The following GPC5 variants were observed in gnomAD, a reference collection of about 807,000 sequenced individuals.
The protein encoded by GPC5 is glypican-5.
GPC5 carries 47 observed loss-of-function variants against 53.9 expected under a neutral mutation model. The ratio of observed to expected loss-of-function variants is 0.87; its 90% CI spans 0.69 to 1.11. The LOEUF (loss-of-function observed/expected upper bound fraction) is 1.11, where lower values mean the gene tolerates loss of function less well. Among genes scored for constraint, GPC5 ranks in the 50% most tolerant of loss-of-function variants. The probability of loss-of-function intolerance (pLI) is 0.00; values close to 1 mark genes in which losing one functional copy is unlikely to be tolerated. For missense variants in GPC5, 748 were observed against 713.1 expected (o/e 1.05, Z -0.56); for synonymous variants, 286 against 263.3 (o/e 1.09, Z -0.84).
At chr13:91,533,506 A>T (rs1463009254) in intron 2 of GPC5, among the ~76,000 whole-genome samples, 2 of 152,224 alleles carry the variant, frequency 1.3e-5, no homozygotes, top group Non-Finnish European at 2.9e-5. Context: ...AAGCAAAACA[A>T]TCTCAGCCTT....
intron 7 of GPC5, among the ~76,000 whole-genome samples, chr13:92,173,649 A>T (rs563870767): frequency 6.6e-6 from 1 of 152,210 alleles, no homozygotes; most frequent in East Asian, 1.9e-4. Context: ...TTAAAATGCA[A>T]TGAGCAAAAA....
intron 2 of GPC5, among the ~76,000 whole-genome samples, chr13:91,546,301 A>G (rs909359802): frequency 3.9e-5 from 6 of 152,256 alleles, no homozygotes; most frequent in African/African-American, 9.6e-5. Flanking sequence ...AGAAATTTCA[A>G]TGTCCTCAAG....
rs368453925 is a variant in GPC5 at position 91,416,454 on chromosome 13, T to TTTATTATTATTATTATTATTA, written c.163+17247_163+17267dup. 4.2e-3 allele frequency among the ~76,000 whole-genome samples: 639 copies of TTTATTATTATTATTATTATTA among 151,064 alleles called. 5 individuals are homozygous for TTTATTATTATTATTATTATTA. The highest frequency in any genetic ancestry group is 0.012 in the African/African-American group (509 of 41,148). On this transcript the variant is annotated intron_variant, in intron 1 of 7. Coordinates refer to ENST00000377067, the MANE Select transcript of GPC5 (RefSeq NM_004466.6). ...ACTATACTTGAGAGAATCCATTTCTTTTATTATTATTATTATTATTATACT... is the reference window on the plus strand; with the variant it reads ...ACTATACTTGAGAGAATCCATTTCTTTTATTATTATTATTATTATTATTATTATTATTATTATTATTATACT...
intron 4 of GPC5, among the ~76,000 whole-genome samples, chr13:91,749,915 A>G (rs145876430): frequency 4.7e-4 from 72 of 152,246 alleles, no homozygotes; most frequent in African/African-American, 1.6e-3. Context: ...GGTTCAAGCA[A>G]TTCTCCTCCT....
chr13:91,452,625 A>G (rs750262061), intron 2 of GPC5, among the ~76,000 whole-genome samples: 47 of 152,220 alleles, frequency 3.1e-4, no homozygotes, highest in Non-Finnish European at 2.4e-4. Flanking sequence ...TTGTTTCTTT[A>G]TACATGACAG....
chr13:92,220,923 T>G (rs2042443916), intron 7 of GPC5, among the ~76,000 whole-genome samples: 1 of 152,206 alleles, frequency 6.6e-6, no homozygotes, highest in African/African-American at 2.4e-5. Context: ...TTAATGTCAC[T>G]GTTCATAAGC....
intron 7 of GPC5, among the ~76,000 whole-genome samples, chr13:92,180,091 C>T (rs2042136015): frequency 6.6e-6 from 1 of 152,152 alleles, no homozygotes; most frequent in Admixed American, 6.5e-5. Flanking sequence ...TATTTTTTAG[C>T]ATTCAAGGCA....
rs901799039 is a variant in GPC5, at chr13:92,349,451, T to C, written c.1561+204462T>C. Among the ~76,000 whole-genome samples, 24 of 109,084 alleles carry C rather than the reference T, an allele frequency of 2.2e-4. 1 individual carries two copies. The highest frequency in any genetic ancestry group is 1.3e-3 in the African/African-American group (24 of 18,528). The allele number at this position is 109,084 out of a possible 152,430, so 71.6% of individuals were successfully genotyped here. A position where few individuals can be genotyped will look rare whatever the true frequency, so the allele number is the denominator to read the frequency against. ...TTAGCCCCGCACCCAGCCAGGTTTTTTCTTTTTTTTTTTTTTAATTAATTT... is the reference window on the plus strand; with the variant it reads ...TTAGCCCCGCACCCAGCCAGGTTTTCTCTTTTTTTTTTTTTTAATTAATTT... On this transcript the variant is annotated intron_variant, in intron 7 of 7. Transcript: ENST00000377067.
At chr13:92,346,459 T>C (rs1480090488) in intron 7 of GPC5, among the ~76,000 whole-genome samples, 2 of 152,150 alleles carry the variant, frequency 1.3e-5, no homozygotes, top group Non-Finnish European at 2.9e-5. Flanking sequence ...GCAAAGTCAG[T>C]GACCCCATGA....
At chr13:92,768,066 A>C (rs190021177) in intron 7 of GPC5, among the ~76,000 whole-genome samples, 6 of 152,204 alleles carry the variant, frequency 3.9e-5, no homozygotes, top group Admixed American at 3.9e-4. Context: ...GAAAACCCTC[A>C]ATCCAGATAA....
chr13:92,142,771 T>C (rs999399273), intron 6 of GPC5, among the ~76,000 whole-genome samples: 2 of 152,102 alleles, frequency 1.3e-5, no homozygotes, highest in African/African-American at 4.8e-5. Flanking sequence ...CAGTAAAATA[T>C]TGGAATAATT....
chr13:91,983,951 C>T (rs1007551672), intron 6 of GPC5, among the ~76,000 whole-genome samples: 2 of 152,214 alleles, frequency 1.3e-5, no homozygotes, highest in African/African-American at 4.8e-5. Flanking sequence ...CATAAACATT[C>T]AGTAGATTGC....
chr13:91,583,002 A>AAAATAAAT (rs201274533), intron 2 of GPC5, among the ~76,000 whole-genome samples: 1 of 151,978 alleles, frequency 6.6e-6, no homozygotes, highest in Admixed American at 6.6e-5. Flanking sequence ...CTCCACCTCA[A>AAAATAAAT]AAATAAATAA....
intron 7 of GPC5, among the ~76,000 whole-genome samples, chr13:92,244,410 A>G (rs2139120178): frequency 6.6e-6 from 1 of 152,310 alleles, no homozygotes; most frequent in African/African-American, 2.4e-5. Context: ...GTTTCAGCAA[A>G]CATAGGCCAG....
chr13:91,817,337 G>A (rs1366408093), intron 5 of GPC5, among the ~76,000 whole-genome samples: 1 of 152,086 alleles, frequency 6.6e-6, no homozygotes, highest in African/African-American at 2.4e-5. Flanking sequence ...AAAAGAATCA[G>A]GATAATAACT....
At chr13:92,605,529 T>A (rs1204092984) in intron 7 of GPC5, among the ~76,000 whole-genome samples, 4 of 152,148 alleles carry the variant, frequency 2.6e-5, no homozygotes, top group Admixed American at 2.6e-4. Flanking sequence ...TTGAAACATT[T>A]CTGCATCAGA....
At chr13:92,556,900 G>A (rs1202757661) in intron 7 of GPC5, among the ~76,000 whole-genome samples, 2 of 151,824 alleles carry the variant, frequency 1.3e-5, no homozygotes, top group African/African-American at 4.8e-5. Flanking sequence ...TGGTATGTAA[G>A]TGTTCTTTAA....
chr13:92,800,750 T>C (rs1876871367), intron 7 of GPC5, among the ~76,000 whole-genome samples: 1 of 151,822 alleles, frequency 6.6e-6, no homozygotes, highest in African/African-American at 2.4e-5. Flanking sequence ...TGATACAGAG[T>C]TCATTAAGAG....
chr13:92,460,071 G>A (rs956291343), intron 7 of GPC5, among the ~76,000 whole-genome samples: 2 of 150,406 alleles, frequency 1.3e-5, no homozygotes, highest in African/African-American at 4.9e-5. Context: ...TATTTATTAT[G>A]ACTAAACAAT....
Sources: gnomAD v4.1 joint callset for allele counts (sites outside exome capture counted in the v4.1 genomes callset) on GRCh38, gnomAD v4.1.1 for gene constraint, MANE v1.5 for transcripts, NCBI Gene and HGNC (gene_info 2026-07-23, HGNC 2026-07-21) for gene names.